GCNA: variants seen among roughly 807,000 people sequenced by gnomAD.
GCNA encodes germ cell nuclear acidic protein.
A neutral mutation model predicts 38.8 loss-of-function variants in GCNA; 3 were observed. The ratio of observed to expected loss-of-function variants is 0.08; its 90% CI spans 0.04 to 0.20. GCNA has a LOEUF of 0.20. Among genes scored for constraint, GCNA ranks in the 10% least tolerant of loss-of-function variants. The pLI is 1.00. For synonymous variants in GCNA, 195 were observed against 240.2 expected (o/e 0.81, Z 1.74); for missense variants, 446 against 578.6 (o/e 0.77, Z 2.35).
chrX:71,603,677 A>C lies in GCNA; in HGVS notation c.400A>C (p.Asn134His), dbSNP rs1569440186. The C allele has an allele frequency of 8.3e-7, 1 of 1,211,988 alleles. No individual in the cohort carries two copies. Among genetic ancestry groups the C allele is most frequent in the South Asian group, 1.8e-5 (1 of 57,001 alleles). ...TGATGACAATGACGATGACAACGGT[A>C]ATGATTTGGAAGTTCCCGACGACAA... ...SDDDNDDDNG[N>H]DLEVPDDNSD... is the part of the protein sequence containing the mutation. The change falls in exon 8 of 13, where the codon AAT becomes CAT. Residue 134 changes from asparagine to histidine, a missense_variant. Physicochemically the swap from Asn to His is moderately conservative, Grantham distance 68. Around this residue, in one of 7 missense-constraint regions of GCNA, gnomAD observed 118 missense variants for 122.8 expected, o/e 0.96. Transcript: ENST00000373696.
chrX:71,608,430 G>A (rs1002407703), intron 9 of GCNA, among the ~76,000 whole-genome samples: 8 of 110,811 alleles, frequency 7.2e-5, no homozygotes, highest in Admixed American at 4.8e-4. Flanking sequence ...CCACCATCAC[G>A]CCCAGCTAAT....
At chrX:71,582,430 T>C (rs2040554211) in intron 2 of GCNA, among the ~76,000 whole-genome samples, 1 of 110,894 alleles carries the variant, frequency 9.0e-6, no homozygotes, top group Admixed American at 9.7e-5. Context: ...AATTTTAAAA[T>C]GAGATACCAT....
In GCNA at chrX:71,613,100, T is replaced by A. The variant is rs1362018336; in HGVS notation, c.*118T>A. ...GAATTACAAGGCAATGAAGAATTCT[T>A]AAGGTTATCTTAGAGTATATTAATG... On this transcript the variant is annotated 3_prime_UTR_variant, in exon 13 of 13. Transcript: ENST00000373696. The A allele has an allele frequency of 1.0e-6, 1 of 981,081 alleles. No homozygotes were observed. The highest frequency in any genetic ancestry group is 1.4e-6 in the Non-Finnish European group (1 of 710,890). 80.9% of individuals were successfully genotyped at this position (981,081 alleles called of 1,213,427 possible). A position where few individuals can be genotyped will look rare whatever the true frequency, so the allele number is the denominator to read the frequency against.
chrX:71,607,016 C>T (rs1172686326), intron 9 of GCNA, among the ~76,000 whole-genome samples: 8 of 111,597 alleles, frequency 7.2e-5, no homozygotes, highest in Non-Finnish European at 1.3e-4. Flanking sequence ...AGGCTGCTTG[C>T]TGGTCATGGT....
Position 71,598,007 on chromosome X carries a change from G to C in GCNA, c.279G>C (p.Lys93Asn), listed in dbSNP as rs759166328. 5 of 1,208,611 alleles carry C rather than the reference G, an allele frequency of 4.1e-6. No individual in the cohort carries two copies. In the African/African-American group the frequency reaches 7.0e-5, roughly 17 times the overall value. The change falls in exon 7 of 13, where the codon AAG becomes AAC. Residue 93 changes from lysine (K) to asparagine (N), a missense_variant. Lys to Asn is a moderately conservative substitution (Grantham distance 94). This residue lies in a region of GCNA where 118 missense variants were observed against 122.8 expected (regional missense o/e 0.96). Coordinates refer to ENST00000373696, the MANE Select transcript of GCNA (RefSeq NM_052957.5). ...AGGAATGTCACACCCATGAAGAGAAGAAAGCTAAGTTATTGGAAATAAACA... is the reference window on the plus strand; with the variant it reads ...AGGAATGTCACACCCATGAAGAGAACAAAGCTAAGTTATTGGAAATAAACA... ...SDEECHTHEE[K>N]KAKLLEINSD... is the part of the protein sequence containing the mutation.
chrX:71,598,062 A>C, intron 7 of GCNA, 24 bp downstream of exon 7: 2 of 1,114,863 alleles, frequency 1.8e-6, no homozygotes, highest in Non-Finnish European at 2.5e-6. Context: ...ACTTTGTTAG[A>C]TAAGTAGCTG....
intron 12 of GCNA, 81 bp downstream of exon 12, chrX:71,612,640 GCTGT>G (rs1293718232): frequency 1.1e-4 from 109 of 957,212 alleles, no homozygotes; most frequent in Non-Finnish European, 1.5e-4. Flanking sequence ...TAAGTAGATG[GCTGT>G]CTGAACTGAA....
chrX:71,599,324 C>G (rs1380183981), intron 7 of GCNA, among the ~76,000 whole-genome samples: 2 of 111,777 alleles, frequency 1.8e-5, no homozygotes, highest in African/African-American at 6.5e-5. Context: ...CTCTCTAGCT[C>G]TGGGTGGCTG....
At chrX:71,609,206 G>A in intron 10 of GCNA, 89 bp downstream of exon 10, 1 of 944,907 alleles carries the variant, frequency 1.1e-6, no homozygotes, top group South Asian at 2.2e-5. Context: ...TATACTTCCT[G>A]CCCTTGAGCA....
At chrX:71,579,018 C>T (rs1391007760) in intron 1 of GCNA, among the ~76,000 whole-genome samples, 1 of 91,184 alleles carries the variant, frequency 1.1e-5, no homozygotes, top group Non-Finnish European at 2.2e-5. Flanking sequence ...TGTGGTAGCA[C>T]CAGTGACGGT....
chrX:71,578,760 C>T (rs1303799068), intron 1 of GCNA, among the ~76,000 whole-genome samples: 8 of 99,406 alleles, frequency 8.0e-5, no homozygotes, highest in African/African-American at 3.0e-4. Flanking sequence ...GCGCCAGTGG[C>T]GGCATTGGGA....
chrX:71,609,771 G>A (rs1287268146), intron 10 of GCNA, among the ~76,000 whole-genome samples: 2 of 111,781 alleles, frequency 1.8e-5, no homozygotes, highest in Admixed American at 1.9e-4. Context: ...GGGAGTGAAT[G>A]AAATTAACCT....
chrX:71,604,216 T>A lies in GCNA; in HGVS notation c.939T>A (p.Asp313Glu), dbSNP rs1382597802. The A allele has an allele frequency of 1.7e-6, 2 of 1,211,917 alleles. No homozygotes were observed. Among genetic ancestry groups the A allele is most frequent in the Non-Finnish European group, 2.2e-6 (2 of 895,491 alleles). The change falls in exon 8 of 13, where the codon GAT becomes GAA. Residue 313 changes from aspartate to glutamate, a missense_variant. Around this residue, in one of 7 missense-constraint regions of GCNA, gnomAD observed 160 missense variants for 165.2 expected, o/e 0.97. Transcript: ENST00000373696. The stretch of plus-strand genomic sequence containing the variant: ...CCGACGACAAGAGTGATGATTCGGA[T>A]GTTCCCGAAGACAAGAGTGATGATT... ...EAPDDKSDDS[D>E]VPEDKSDDSD...
chrX:71,584,572 A>G (rs1241517946), intron 2 of GCNA, among the ~76,000 whole-genome samples: 1 of 111,923 alleles, frequency 8.9e-6, no homozygotes, highest in African/African-American at 3.2e-5. Context: ...TAATTTAAAA[A>G]TTAAATTAAT....
chrX:71,601,644 A>G (rs1055764135), intron 7 of GCNA, among the ~76,000 whole-genome samples: 6 of 109,999 alleles, frequency 5.5e-5, no homozygotes, highest in African/African-American at 2.0e-4. Flanking sequence ...TACTGGGTTC[A>G]AGCGATTTCT....
intron 6 of GCNA, among the ~76,000 whole-genome samples, chrX:71,597,729 T>C (rs1480224438): frequency 8.9e-6 from 1 of 112,001 alleles, no homozygotes; most frequent in Non-Finnish European, 1.9e-5. Context: ...TTTAGAAGGA[T>C]GTGAGACAGA....
chrX:71,595,288 G>A lies in GCNA; in HGVS notation c.221+509G>A, dbSNP rs1348405681. Among the ~76,000 whole-genome samples the A allele has an allele frequency of 2.7e-5, 3 of 111,250 alleles. No homozygotes were observed. In the East Asian group the frequency reaches 8.5e-4, roughly 31 times the overall value. On this transcript the variant is annotated intron_variant, in intron 6 of 12. Transcript: ENST00000373696. ...TTTTTGTGTTTTTAGTAGAGATGGG[G>A]TTTCACCATGTTTTTCAGGCTTGTC...
chrX:71,589,492 G>T (rs1466638260), intron 2 of GCNA, among the ~76,000 whole-genome samples: 2 of 68,275 alleles, frequency 2.9e-5, no homozygotes, highest in Non-Finnish European at 5.0e-5. Flanking sequence ...TTGAGACAGA[G>T]TCTTGCTCTG....
chrX:71,610,481 C>T (rs1286333891), intron 10 of GCNA, among the ~76,000 whole-genome samples, 200 bp from the exon 11 acceptor site: 2 of 111,753 alleles, frequency 1.8e-5, no homozygotes, highest in Non-Finnish European at 3.8e-5. Flanking sequence ...GGTGTGGTGG[C>T]GCATGCCTGT....
Sources: allele counts gnomAD v4.1 joint callset (sites outside exome capture counted in the v4.1 genomes callset), GRCh38; gene constraint gnomAD v4.1.1; regional missense constraint gnomAD v4.1.1; transcripts MANE v1.5; gene names NCBI Gene and HGNC (gene_info 2026-07-23, HGNC 2026-07-21).